Variants in ZNF717 observed in about 807,000 individuals in gnomAD.
ZNF717 encodes krueppel-like factor X17.
Under a neutral mutation model 13.8 loss-of-function variants are expected in ZNF717, and 9 were observed. The observed-to-expected ratio is 0.65, with a 90% CI of 0.39 to 1.14. The LOEUF is 1.14. Among genes scored for constraint, ZNF717 ranks in the 50% most tolerant of loss-of-function variants. The probability of loss-of-function intolerance (pLI) is 0.01; values close to 1 mark genes in which losing one functional copy is unlikely to be tolerated. For missense variants in ZNF717, 1,040 were observed against 1,080.7 expected, an observed-to-expected ratio of 0.96 and a Z score of 0.53; for synonymous variants, 327 against 364.1, an observed-to-expected ratio of 0.90 and a Z score of 1.16.
chr3:75,727,430 G>A (rs1384134389), downstream of ZNF717, among the ~76,000 whole-genome samples: 139 of 152,278 alleles, frequency 9.1e-4, no homozygotes, highest in Middle Eastern at 6.8e-3. Context: ...ACAGATGGAC[G>A]TGTGAGTAAG....
At chr3:75,695,793 A>G (rs1223596722) in intron 6 of ZNF717, among the ~76,000 whole-genome samples, 7 of 151,960 alleles carry the variant, frequency 4.6e-5, no homozygotes, top group Non-Finnish European at 1.0e-4. Context: ...TGGAAACAGC[A>G]TAGCAAAACC....
intron 2 of ZNF717, among the ~76,000 whole-genome samples, chr3:75,773,685 C>T (rs1399676430): frequency 4.6e-5 from 7 of 152,160 alleles, no homozygotes; most frequent in Non-Finnish European, 1.0e-4. Flanking sequence ...CATGATTTTC[C>T]ATTGTGATGC....
downstream of ZNF717, among the ~76,000 whole-genome samples, chr3:75,735,062 T>G (rs1350085888): frequency 6.6e-6 from 1 of 152,196 alleles, no homozygotes; most frequent in African/African-American, 2.4e-5. Flanking sequence ...CCTGACCTCA[T>G]GATCCACCTG....
intron 2 of ZNF717, among the ~76,000 whole-genome samples, chr3:75,753,425 G>A (rs929837055): frequency 2.3e-4 from 35 of 151,602 alleles, no homozygotes; most frequent in Admixed American, 3.9e-4. Flanking sequence ...TAGGATTCCT[G>A]AACACTGCTA....
At chr3:75,763,915 G>C (rs1268346157) in intron 2 of ZNF717, among the ~76,000 whole-genome samples, 1 of 152,188 alleles carries the variant, frequency 6.6e-6, no homozygotes, top group South Asian at 2.1e-4. Flanking sequence ...ATGGTCTAAA[G>C]CAACAGCCTA....
At chr3:75,721,873 CA>C (rs1938174063) in intron 4 of ZNF717, among the ~76,000 whole-genome samples, 2 of 151,878 alleles carry the variant, frequency 1.3e-5, no homozygotes, top group South Asian at 4.1e-4. Flanking sequence ...TGACAACTTC[CA>C]AATCTTTCTC....
chr3:75,743,465 A>C (rs1175128878), intron 2 of ZNF717, among the ~76,000 whole-genome samples: 1 of 152,238 alleles, frequency 6.6e-6, no homozygotes, highest in African/African-American at 2.4e-5. Context: ...ACGGGACAAA[A>C]AATTGCTGTA....
downstream of ZNF717, among the ~76,000 whole-genome samples, chr3:75,726,739 C>T (rs1266579009): frequency 1.2e-4 from 18 of 152,244 alleles, no homozygotes; most frequent in Non-Finnish European, 2.1e-4. Context: ...AAATATTTGA[C>T]CTAATTTTAG....
chr3:75,715,948 C>T (rs1263275939), intron 5 of ZNF717, among the ~76,000 whole-genome samples: 6 of 150,234 alleles, frequency 4.0e-5, no homozygotes, highest in South Asian at 2.1e-4. Flanking sequence ...TTTGAGAATG[C>T]GATTCTGGTT....
intron 5 of ZNF717, among the ~76,000 whole-genome samples, chr3:75,713,241 C>T (rs1237880972): frequency 6.6e-6 from 1 of 152,242 alleles, no homozygotes; most frequent in East Asian, 1.9e-4. Flanking sequence ...GCCTCAACCT[C>T]CTGGGCTCAA....
chr3:75,780,371 C>T (rs1218565646), intron 2 of ZNF717, among the ~76,000 whole-genome samples: 1 of 152,242 alleles, frequency 6.6e-6, no homozygotes, highest in Non-Finnish European at 1.5e-5. Context: ...ATTTTGGTCA[C>T]ACTCTCAACT....
chr3:75,737,510 C>T lies in ZNF717; in HGVS notation c.2113G>A (p.Val705Ile), dbSNP rs1450429758. The stretch of plus-strand genomic sequence containing the variant: ...ATGAAAGGATTTTCCACATTCATTA[C>T]ATTCATAGGGCTTTTCCCCGGTGTG... ...ELTPGKSPMNVMNVENPFIRR... is the reference protein window; with the variant it reads ...ELTPGKSPMNIMNVENPFIRR... The change falls in exon 5 of 5, where the codon GTA becomes ATA. Residue 705 changes from valine (V) to isoleucine (I), a missense_variant. This residue lies in a region of ZNF717 where 873 missense variants were observed against 832.8 expected (regional missense o/e 1.05). Transcript: ENST00000652011. 30 of 1,554,620 alleles carry T rather than the reference C, an allele frequency of 1.9e-5. No individual in the cohort carries two copies. Among genetic ancestry groups the T allele is most frequent in the African/African-American group, 2.7e-5 (2 of 73,208 alleles).
chr3:75,732,486 G>A (rs1390347544), downstream of ZNF717, among the ~76,000 whole-genome samples: 1 of 152,230 alleles, frequency 6.6e-6, no homozygotes, highest in Non-Finnish European at 1.5e-5. Flanking sequence ...GAATTAAGGG[G>A]TGGGACCTTT....
intron 2 of ZNF717, among the ~76,000 whole-genome samples, chr3:75,777,717 T>C (rs1295590815): frequency 3.3e-5 from 5 of 150,400 alleles, no homozygotes; most frequent in African/African-American, 7.4e-5. Context: ...GGGAGTGACG[T>C]GCTAAACCAG....
rs1939305738 is a variant in ZNF717, at chr3:75,736,836, G to A, written c.*42C>T. ...TCCATATTCTCCTAGACTGAGCATGGAGAAATCTGTAATAGTAGCCAGAGA... is the reference window on the plus strand; with the variant it reads ...TCCATATTCTCCTAGACTGAGCATGAAGAAATCTGTAATAGTAGCCAGAGA... On this transcript the variant is annotated 3_prime_UTR_variant, in exon 5 of 5. Transcript: ENST00000652011. 6.7e-7 allele frequency: 1 copy of A among 1,494,994 alleles called. No individual in the cohort carries two copies. The highest frequency in any genetic ancestry group is 8.9e-7 in the Non-Finnish European group (1 of 1,119,942). 92.6% of individuals were successfully genotyped at this position (1,494,994 alleles called of 1,614,324 possible).
chr3:75,784,669 C>T (rs540699310), intron 1 of ZNF717: 1 of 152,324 alleles, frequency 6.6e-6, no homozygotes, highest in African/African-American at 2.4e-5. Flanking sequence ...CCGAATTCAC[C>T]TCAACCTTCT....
chr3:75,728,963 C>G (rs75133954), downstream of ZNF717, among the ~76,000 whole-genome samples: 37 of 85,100 alleles, frequency 4.3e-4, no homozygotes, highest in South Asian at 1.1e-3. Context: ...CCATGCCTTT[C>G]TCTCAGTGAA....
chr3:75,727,307 A>G (rs1175104853), downstream of ZNF717, among the ~76,000 whole-genome samples: 6 of 152,232 alleles, frequency 3.9e-5, no homozygotes, highest in Non-Finnish European at 7.3e-5. Context: ...GTGCACCCTG[A>G]AAAAGAACAG....
At chr3:75,776,240 A>G (rs1172323546) in intron 2 of ZNF717, among the ~76,000 whole-genome samples, 2 of 152,282 alleles carry the variant, frequency 1.3e-5, no homozygotes, top group African/African-American at 2.4e-5. Flanking sequence ...AATGATCCAA[A>G]TTAAATATAT....
Sources: gnomAD v4.1 joint callset for allele counts (sites outside exome capture counted in the v4.1 genomes callset) on GRCh38, gnomAD v4.1.1 for gene constraint, gnomAD v4.1.1 regional missense constraint, MANE v1.5 for transcripts, NCBI Gene and HGNC (gene_info 2026-07-23, HGNC 2026-07-21) for gene names.